Variants in CBLN2 observed in about 807,000 individuals in gnomAD.
CBLN2 encodes the protein cerebellin-2.
Under a neutral mutation model 15.0 loss-of-function variants are expected in CBLN2, and 7 were observed. The ratio of observed to expected loss-of-function variants is 0.47; its 90% confidence interval spans 0.27 to 0.88. The LOEUF is 0.88. Among genes scored for constraint, CBLN2 ranks in the 40% least tolerant of loss-of-function variants. CBLN2 has a pLI of 0.14. For missense variants in CBLN2, 242 were observed against 304.5 expected (o/e 0.79, Z 1.53); for synonymous variants, 149 against 135.2 (o/e 1.10, Z -0.71).
At chr18:72,542,657 GC>G (rs1487532217) in intron 2 of CBLN2, among the ~76,000 whole-genome samples, 2 of 152,014 alleles carry the variant, frequency 1.3e-5, no homozygotes, top group Non-Finnish European at 2.9e-5. Flanking sequence ...CGCGGAGGGG[GC>G]TAAGACGCAG....
intron 1 of CBLN2, among the ~76,000 whole-genome samples, chr18:72,596,432 T>C (rs1030437780): frequency 1.3e-5 from 2 of 152,218 alleles, no homozygotes; most frequent in African/African-American, 4.8e-5. Context: ...TTCATCTTTC[T>C]ACTTAAGATA....
chr18:72,630,495 A>AC (rs1555673817), intron 1 of CBLN2, among the ~76,000 whole-genome samples: 1 of 140,394 alleles, frequency 7.1e-6, no homozygotes, highest in East Asian at 2.1e-4. Flanking sequence ...CTACTGCTCC[A>AC]ACACACACAC....
At chr18:72,562,416 A>G (rs2069267685) in intron 1 of CBLN2, among the ~76,000 whole-genome samples, 1 of 152,180 alleles carries the variant, frequency 6.6e-6, no homozygotes, top group African/African-American at 2.4e-5. Flanking sequence ...GAAAAATAAA[A>G]CATTTTGTTT....
intron 1 of CBLN2, among the ~76,000 whole-genome samples, chr18:72,564,103 C>T (rs1343048188): frequency 6.6e-6 from 1 of 152,084 alleles, no homozygotes; most frequent in South Asian, 2.1e-4. Context: ...GACTGTTTCA[C>T]CAGATATGCG....
intron 1 of CBLN2, among the ~76,000 whole-genome samples, chr18:72,608,766 A>G (rs1287653902): frequency 6.6e-6 from 1 of 152,202 alleles, no homozygotes; most frequent in Non-Finnish European, 1.5e-5. Context: ...GCTAATAAAA[A>G]CATATCTGAA....
At chr18:72,598,985 G>A (rs2069530646) in intron 1 of CBLN2, among the ~76,000 whole-genome samples, 1 of 152,138 alleles carries the variant, frequency 6.6e-6, no homozygotes, top group South Asian at 2.1e-4. Context: ...TTTAGTGCCT[G>A]GTTCCTTAAC....
intron 1 of CBLN2, among the ~76,000 whole-genome samples, chr18:72,579,022 A>C (rs2069386444): frequency 6.6e-6 from 1 of 152,196 alleles, no homozygotes; most frequent in Non-Finnish European, 1.5e-5. Flanking sequence ...GCCTTAGTCT[A>C]AGCTTGGTCA....
At chr18:72,611,724 T>C (rs907133304) in intron 1 of CBLN2, among the ~76,000 whole-genome samples, 3 of 152,228 alleles carry the variant, frequency 2.0e-5, no homozygotes, top group African/African-American at 7.2e-5. Context: ...TTTCTTTTGC[T>C]GGGCAGAAGC....
At chr18:72,553,823 A>C (rs1361204737) in intron 1 of CBLN2, among the ~76,000 whole-genome samples, 1 of 152,206 alleles carries the variant, frequency 6.6e-6, no homozygotes, top group Non-Finnish European at 1.5e-5. Flanking sequence ...AAAAATCATC[A>C]GACTATTAAC....
At chr18:72,564,476 GACAAGTCTTTTGAAAT>G (rs1179100091) in intron 1 of CBLN2, among the ~76,000 whole-genome samples, 2 of 152,042 alleles carry the variant, frequency 1.3e-5, no homozygotes, top group East Asian at 3.9e-4. Flanking sequence ...TGATTCTGAA[GACAAGTCTTTTGAAAT>G]AACCTAGTCA....
At chr18:72,587,455 C>T (rs187302037) in intron 1 of CBLN2, among the ~76,000 whole-genome samples, 1 of 151,856 alleles carries the variant, frequency 6.6e-6, no homozygotes, top group African/African-American at 2.4e-5. Flanking sequence ...ATATATTTTC[C>T]TATAATCTCC....
chr18:72,604,308 A>T (rs552632233), intron 1 of CBLN2, among the ~76,000 whole-genome samples: 13 of 152,036 alleles, frequency 8.6e-5, no homozygotes, highest in South Asian at 2.1e-4. Flanking sequence ...GCCTTTCATA[A>T]TTTTTTTTGT....
chr18:72,568,120 A>C (rs542979660), intron 1 of CBLN2, among the ~76,000 whole-genome samples: 1 of 152,122 alleles, frequency 6.6e-6, no homozygotes, highest in South Asian at 2.1e-4. Flanking sequence ...TCCATTATTC[A>C]TTCTGTAAGT....
At chr18:72,586,693 T>C (rs1202324443) in intron 1 of CBLN2, among the ~76,000 whole-genome samples, 1 of 152,176 alleles carries the variant, frequency 6.6e-6, no homozygotes, top group East Asian at 1.9e-4. Flanking sequence ...GTGACTGGTG[T>C]TATTAGGTGA....
At chr18:72,637,482 C>A (rs977442731) in intron 1 of CBLN2, among the ~76,000 whole-genome samples, 1 of 152,188 alleles carries the variant, frequency 6.6e-6, no homozygotes, top group Non-Finnish European at 1.5e-5. Flanking sequence ...TTTTTCTGGG[C>A]ACAGAGGCTG....
At chr18:72,585,533 G>A (rs563222222) in intron 1 of CBLN2, among the ~76,000 whole-genome samples, 8 of 152,220 alleles carry the variant, frequency 5.3e-5, no homozygotes, top group South Asian at 2.1e-4. Context: ...GGCTGAGTCC[G>A]GTGTTTTTAT....
chr18:72,576,263 A>G (rs771180395), intron 1 of CBLN2, among the ~76,000 whole-genome samples: 2 of 152,150 alleles, frequency 1.3e-5, no homozygotes, highest in Non-Finnish European at 2.9e-5. Context: ...ATAACAGACT[A>G]TGTAGAAGAG....
intron 1 of CBLN2, among the ~76,000 whole-genome samples, chr18:72,572,585 G>A (rs564149380): frequency 2.0e-5 from 3 of 152,004 alleles, no homozygotes; most frequent in Non-Finnish European, 4.4e-5. Flanking sequence ...ATTATCATCA[G>A]TTTTACTGCC....
At chr18:72,635,938 T>A (rs1406162042) in intron 1 of CBLN2, among the ~76,000 whole-genome samples, 1 of 152,178 alleles carries the variant, frequency 6.6e-6, no homozygotes, top group Non-Finnish European at 1.5e-5. Flanking sequence ...TCTGCCTACC[T>A]GCAAATTCTT....
Sources: gnomAD v4.1 joint callset for allele counts (sites outside exome capture counted in the v4.1 genomes callset) on GRCh38, gnomAD v4.1.1 for gene constraint, MANE v1.5 for transcripts, NCBI Gene and HGNC (gene_info 2026-07-23, HGNC 2026-07-21) for gene names.